The following TIPIN variants were observed in gnomAD, a reference collection of about 807,000 sequenced individuals.
The protein encoded by TIPIN is TIMELESS-interacting protein.
TIPIN carries 29 observed loss-of-function variants against 35.6 expected under a neutral mutation model. The ratio of observed to expected loss-of-function variants is 0.82; its 90% CI spans 0.61 to 1.11. The LOEUF (loss-of-function observed/expected upper bound fraction) is 1.11. Ranked by LOEUF, TIPIN falls within the 50% of genes most tolerant of loss-of-function variation. The probability of loss-of-function intolerance (pLI) is 0.00; values close to 1 mark genes in which losing one functional copy is unlikely to be tolerated. For synonymous variants in TIPIN, 102 were observed against 121.5 expected, an observed-to-expected ratio of 0.84 and a Z score of 1.06; for missense variants, 296 against 345.4, an observed-to-expected ratio of 0.86 and a Z score of 1.13.
chr15:66,379,872 T>G (rs2093311659), intron 1 of TIPIN: 1 of 1,592,066 alleles, frequency 6.3e-7, no homozygotes, highest in Admixed American at 1.7e-5. Context: ...AATGTTGACA[T>G]TTTCTGGAAT....
intron 1 of TIPIN, among the ~76,000 whole-genome samples, chr15:66,373,385 C>T (rs956771649): frequency 6.0e-5 from 9 of 150,766 alleles, no homozygotes; most frequent in African/African-American, 1.5e-4. Context: ...CCCAGCTACT[C>T]GGGAGGCCGA....
At chr15:66,360,371 T>C (rs1336643711), upstream of TIPIN, among the ~76,000 whole-genome samples, 3 of 152,166 alleles carry the variant, frequency 2.0e-5, no homozygotes, top group African/African-American at 7.2e-5. Context: ...TTTGGGAGGC[T>C]GAGACAGTAG....
Position 66,348,955 on chromosome 15 carries a change from A to T in TIPIN, c.475+105T>A. On this transcript the variant is annotated intron_variant, in intron 6 of 7. Coordinates refer to ENST00000261881, the MANE Select transcript of TIPIN (RefSeq NM_017858.3). ...GCAAGATTCTGTCCCTAAACATGAA[A>T]CAAAAAAGCAAAGCGCTGGGATTAC... 2 of 874,802 alleles carry T rather than the reference A, an allele frequency of 2.3e-6. 1 individual carries two copies. The highest frequency in any genetic ancestry group is 3.3e-5 in the South Asian group (2 of 60,730). 54.2% of individuals were successfully genotyped at this position (874,802 alleles called of 1,614,324 possible). A position where few individuals can be genotyped will look rare whatever the true frequency, so the allele number is the denominator to read the frequency against.
At chr15:66,340,171 C>CTTTTT (rs1213707475) in intron 7 of TIPIN, among the ~76,000 whole-genome samples, 4 of 69,568 alleles carry the variant, frequency 5.7e-5, no homozygotes, top group African/African-American at 1.1e-4. Context: ...TGCGCCTGGC[C>CTTTTT]TTTTTTTTTT....
chr15:66,385,835 T>C (rs111584879), intron 1 of TIPIN, among the ~76,000 whole-genome samples: 28,318 of 150,004 alleles, frequency 0.19, 3,346 homozygotes, highest in Middle Eastern at 0.31. Flanking sequence ...CCCTGGCTGG[T>C]GTGCAGTGGT....
At chr15:66,360,423 T>G (rs1458164269), upstream of TIPIN, among the ~76,000 whole-genome samples, 1 of 151,950 alleles carries the variant, frequency 6.6e-6, no homozygotes, top group Non-Finnish European at 1.5e-5. Flanking sequence ...CTGGGCAACA[T>G]GGTAAAACCC....
chr15:66,337,212 A>G (rs985767542), intron 7 of TIPIN, 31 bp from the exon 8 acceptor site: 10 of 1,582,062 alleles, frequency 6.3e-6, no homozygotes, highest in Admixed American at 5.0e-5. Flanking sequence ...ATTATTCATT[A>G]TAAGTACCTG....
At chr15:66,359,844 A>G (rs2093223575), upstream of TIPIN, among the ~76,000 whole-genome samples, 1 of 152,184 alleles carries the variant, frequency 6.6e-6, no homozygotes, top group Non-Finnish European at 1.5e-5. Flanking sequence ...CCAAAAACGA[A>G]CAGAGCAGAT....
At position 66,338,675 on chromosome 15, in the gene TIPIN, G is replaced by A. The variant is rs536121666; in HGVS notation, c.683-1494C>T. The stretch of plus-strand genomic sequence containing the variant: ...TAAAAATACAAAAAATTAGCCAGGC[G>A]TGGTGGCAGGCACCTGTAGTCCCAG... On this transcript the variant is annotated intron_variant, in intron 7 of 7. Transcript: ENST00000261881. 9.6e-4 allele frequency among the ~76,000 whole-genome samples: 145 copies of A among 151,148 alleles called. 2 individuals carry two copies. The highest frequency in any genetic ancestry group is 1.6e-3 in the Non-Finnish European group (111 of 67,776).
chr15:66,371,168 GC>G (rs2093276250), intron 1 of TIPIN: 1 of 904,964 alleles, frequency 1.1e-6, no homozygotes, highest in African/African-American at 1.8e-5. Context: ...CTGAGATCTC[GC>G]CATTGCACTG....
chr15:66,382,922 G>A, intron 1 of TIPIN: 2 of 985,302 alleles, frequency 2.0e-6, no homozygotes, highest in Non-Finnish European at 2.4e-6. Flanking sequence ...AAAGTTGACA[G>A]AACCGATGGA....
chr15:66,338,755 A>G (rs2140436981), intron 7 of TIPIN, among the ~76,000 whole-genome samples: 1 of 143,456 alleles, frequency 7.0e-6, no homozygotes, highest in South Asian at 2.3e-4. Flanking sequence ...CGGGGCTTGC[A>G]GTGAGCCGAG....
chr15:66,359,334 AT>A (rs1358063620), upstream of TIPIN, among the ~76,000 whole-genome samples: 2 of 152,088 alleles, frequency 1.3e-5, no homozygotes, highest in Non-Finnish European at 2.9e-5. Context: ...AATTAATAAA[AT>A]TAACATAAAT....
intron 7 of TIPIN, among the ~76,000 whole-genome samples, chr15:66,340,181 T>C (rs1161214117): frequency 1.5e-4 from 19 of 123,266 alleles, no homozygotes; most frequent in Middle Eastern, 5.0e-3. Flanking sequence ...CTTTTTTTTT[T>C]TTTTTTTTTT....
At chr15:66,384,596 C>T (rs2093329617) in intron 1 of TIPIN, among the ~76,000 whole-genome samples, 1 of 151,978 alleles carries the variant, frequency 6.6e-6, no homozygotes, top group African/African-American at 2.4e-5. Flanking sequence ...TGCATCCACC[C>T]AGAATAATTT....
chr15:66,351,015 A>G (rs995719854), intron 4 of TIPIN, among the ~76,000 whole-genome samples: 2 of 151,824 alleles, frequency 1.3e-5, no homozygotes, highest in African/African-American at 4.8e-5. Context: ...CTAAAAATAT[A>G]CTATCATCTG....
chr15:66,373,489 T>C (rs2093284947), intron 1 of TIPIN, among the ~76,000 whole-genome samples: 1 of 140,072 alleles, frequency 7.1e-6, no homozygotes, highest in Non-Finnish European at 1.5e-5. Flanking sequence ...CGAGACTCCG[T>C]CTCAAAAAAA....
At chr15:66,364,023 G>C (rs916590207) in intron 1 of TIPIN, among the ~76,000 whole-genome samples, 1 of 151,674 alleles carries the variant, frequency 6.6e-6, no homozygotes, top group African/African-American at 2.4e-5. Flanking sequence ...ACCAAGCCAT[G>C]AGGGATCCAC....
intron 1 of TIPIN, among the ~76,000 whole-genome samples, chr15:66,380,889 A>C (rs1408700626): frequency 1.3e-5 from 2 of 152,270 alleles, no homozygotes; most frequent in East Asian, 3.9e-4. Flanking sequence ...TACTGTTTGA[A>C]ATTTCTAGAA....
Sources: gnomAD v4.1 joint callset for allele counts (sites outside exome capture counted in the v4.1 genomes callset) on GRCh38, gnomAD v4.1.1 for gene constraint, MANE v1.5 for transcripts, NCBI Gene and HGNC (gene_info 2026-07-23, HGNC 2026-07-21) for gene names.